The following PITPNM2 variants were observed in gnomAD, a reference collection of about 807,000 sequenced individuals.
PITPNM2 encodes the protein phosphatidylinositol transfer protein membrane associated 2, also known as membrane-associated phosphatidylinositol transfer protein 2.
In PITPNM2, 35 loss-of-function variants were observed where a neutral mutation model predicts 132.2. The observed-to-expected ratio is 0.26, with a 90% CI of 0.20 to 0.35. The LOEUF is 0.35. PITPNM2 is among the 10% of genes least tolerant of loss of function. The pLI is 1.00. For synonymous variants in PITPNM2, 738 were observed against 799.2 expected (o/e 0.92, Z 1.29); for missense variants, 1,332 against 1,912.0 (o/e 0.70, Z 5.66).
At position 122,993,152 on chromosome 12, in the gene PITPNM2, TATA is replaced by T. The variant is rs1016148378; in HGVS notation, c.2234-486_2234-484del. Among the ~76,000 whole-genome samples the T allele has an allele frequency of 9.2e-5, 14 of 152,268 alleles. No homozygotes were observed. Among genetic ancestry groups the T allele is most frequent in the Non-Finnish European group, 1.8e-4 (12 of 68,018 alleles). ...TCTAATTTTTTTTCATTGCAAAAGT[TATA>T]ATGATTGTGGTAAAAGGTGGTTTGC... is the stretch of plus-strand genomic sequence containing the variant. On this transcript the variant is annotated intron_variant, in intron 15 of 25. Coordinates refer to ENST00000320201, the MANE Select transcript of PITPNM2 (RefSeq NM_020845.3). The surrounding 1 kb of genome is among the most constrained non-coding windows in gnomAD (Gnocchi z 5.2).
intron 3 of PITPNM2, 87 bp downstream of exon 3, chr12:123,034,426 C>T: frequency 7.7e-7 from 1 of 1,292,910 alleles, no homozygotes; most frequent in South Asian, 1.2e-5. Flanking sequence ...ACTGTGAAGG[C>T]CACAACTCCA....
intron 10 of PITPNM2, among the ~76,000 whole-genome samples, chr12:122,997,815 C>T (rs572546729): frequency 5.4e-4 from 82 of 152,192 alleles, no homozygotes; most frequent in Non-Finnish European, 1.0e-3. Flanking sequence ...CACTCCTCCT[C>T]CTGCAGCCCT....
At chr12:123,068,827 C>T (rs765365595) in intron 2 of PITPNM2, among the ~76,000 whole-genome samples, 2 of 152,176 alleles carry the variant, frequency 1.3e-5, no homozygotes, top group African/African-American at 2.4e-5. Context: ...TAGGCTCTGC[C>T]CACTTCAAGG....
rs2041813480 is a variant in PITPNM2, at chr12:123,077,090, G to A, written c.-96+33295C>T. On this transcript the variant is annotated intron_variant, in intron 2 of 25. Coordinates refer to ENST00000320201, the MANE Select transcript of PITPNM2 (RefSeq NM_020845.3). This position sits in a 1 kb window ranked among gnomAD's most constrained non-coding sequence, Gnocchi z 4.8. The stretch of plus-strand genomic sequence containing the variant: ...CTACTGGGGATGGGGAAGAAATGAT[G>A]CAGAATGTTGACCCACTGGGCAGCA... 6.6e-6 allele frequency among the ~76,000 whole-genome samples: 1 copy of A among 152,158 alleles called. No individual in the cohort carries two copies. The highest frequency in any genetic ancestry group is 1.5e-5 in the Non-Finnish European group (1 of 68,032).
At chr12:123,063,942 A>ATTCCCCTACT (rs2041330337) in intron 2 of PITPNM2, among the ~76,000 whole-genome samples, 2 of 152,162 alleles carry the variant, frequency 1.3e-5, no homozygotes, top group Non-Finnish European at 2.9e-5. Flanking sequence ...AAGGGGAATA[A>ATTCCCCTACT]ATTAACAGAC....
At chr12:123,105,219 T>C (rs2042679323) in intron 2 of PITPNM2, 1 of 152,246 alleles carries the variant, frequency 6.6e-6, no homozygotes, top group Non-Finnish European at 1.5e-5. Context: ...GATCACCATC[T>C]GATGTGCTTA....
rs201751553 is a variant in PITPNM2 at position 123,097,232 on chromosome 12, G to A, written c.-96+13153C>T. 8.6e-5 allele frequency among the ~76,000 whole-genome samples: 13 copies of A among 151,992 alleles called. No individual in the cohort carries two copies. In the East Asian group the frequency reaches 9.7e-4, roughly 11 times the overall value. ...TAATTTTTGTACTTTTAGTAGAGAC[G>A]GGGTTTTGCCATGTTGGCCAGGCTG... is the stretch of plus-strand genomic sequence containing the variant. On this transcript the variant is annotated intron_variant, in intron 2 of 25. Transcript: ENST00000320201. The surrounding 1 kb of genome is among the most constrained non-coding windows in gnomAD (Gnocchi z 4.7).
chr12:123,094,543 G>C (rs1018943283), intron 2 of PITPNM2, among the ~76,000 whole-genome samples: 2 of 152,216 alleles, frequency 1.3e-5, no homozygotes. Context: ...GTCCTCTGGG[G>C]ACGTTACCCA....
chr12:123,002,658 T>C (rs1488073088), intron 8 of PITPNM2, among the ~76,000 whole-genome samples: 3 of 152,220 alleles, frequency 2.0e-5, no homozygotes, highest in South Asian at 2.1e-4. Flanking sequence ...GCTTAAGCGA[T>C]CCCAAAGTGT....
At position 123,142,826 on chromosome 12, in the gene PITPNM2, T is replaced by C. The variant is rs943062030; in HGVS notation, c.-200+7927A>G. Among the ~76,000 whole-genome samples, 16 of 151,902 alleles carry C rather than the reference T, an allele frequency of 1.1e-4. 1 individual carries two copies. Among genetic ancestry groups the C allele is most frequent in the Admixed American group, 7.9e-4 (12 of 15,266 alleles). ...TTTAAATGCTTTTTTCCAGTGTGAT[T>C]ACCCACATGGGAAAAATTCTAATTG... is the stretch of plus-strand genomic sequence containing the variant. On this transcript the variant is annotated intron_variant, in intron 1 of 25. Coordinates refer to ENST00000320201, the MANE Select transcript of PITPNM2 (RefSeq NM_020845.3).
rs1338314313 is a variant in PITPNM2 at position 122,988,389 on chromosome 12, CA to C, written c.2881-40del. The C allele has an allele frequency of 2.6e-6, 4 of 1,564,332 alleles. No individual in the cohort carries two copies. In the South Asian group the frequency reaches 4.4e-5, roughly 17 times the overall value. On this transcript the variant is annotated intron_variant, in intron 19 of 25. Transcript: ENST00000320201. ...ACAGTGCAGGCTGTGGGGCAGATGC[CA>C]CCCGGGGGCTTCCTGCCCTGGGAGG... is the stretch of plus-strand genomic sequence containing the variant.
intron 2 of PITPNM2, among the ~76,000 whole-genome samples, chr12:123,051,191 TGACCAAGGTTGGGGAG>T (rs2040844388): frequency 6.6e-6 from 1 of 152,208 alleles, no homozygotes; most frequent in African/African-American, 2.4e-5. Context: ...CAGGAGGAAA[TGACCAAGGTTGGGGAG>T]GAGTCAAGGC....
Position 123,078,663 on chromosome 12 carries a change from G to A in PITPNM2, c.-96+31722C>T, listed in dbSNP as rs565322403. 1.4e-4 allele frequency among the ~76,000 whole-genome samples: 22 copies of A among 152,348 alleles called. No individual in the cohort carries two copies. In the East Asian group the frequency reaches 4.0e-3, roughly 28 times the overall value. On this transcript the variant is annotated intron_variant, in intron 2 of 25. Transcript: ENST00000320201. This position sits in a 1 kb window ranked among gnomAD's most constrained non-coding sequence, Gnocchi z 7.3. ...GGATACCCACCTATGGAAGGGCTCC[G>A]ATGGCCCAGTGCCACCCATGTGGGA...
In PITPNM2 at chr12:122,987,271, G is replaced by A. The variant is rs1268832328; in HGVS notation, c.3413+10C>T. On this transcript the variant is annotated intron_variant, in intron 23 of 25. Transcript: ENST00000320201. The stretch of plus-strand genomic sequence containing the variant: ...GCTACAGCCCCTTTGTGCCCCTCTG[G>A]GCCACTCACCGCACCACGTCCACGG... 3.1e-6 allele frequency: 5 copies of A among 1,611,076 alleles called. No individual in the cohort carries two copies. Among genetic ancestry groups the A allele is most frequent in the African/African-American group, 1.3e-5 (1 of 74,858 alleles).
At chr12:123,096,787 A>G (rs1217686986) in intron 2 of PITPNM2, among the ~76,000 whole-genome samples, 2 of 152,166 alleles carry the variant, frequency 1.3e-5, no homozygotes, top group Non-Finnish European at 2.9e-5. Flanking sequence ...GAAGCAGAAA[A>G]AAGACACAGG....
At chr12:123,049,009 C>T (rs563078249) in intron 2 of PITPNM2, among the ~76,000 whole-genome samples, 2 of 152,240 alleles carry the variant, frequency 1.3e-5, no homozygotes, top group South Asian at 4.2e-4. Context: ...TGGCATGTAC[C>T]TGTAGTCCCA....
chr12:123,015,775 C>T (rs1229482931), intron 3 of PITPNM2, among the ~76,000 whole-genome samples: 1 of 152,074 alleles, frequency 6.6e-6, no homozygotes, highest in African/African-American at 2.4e-5. Context: ...AAATTAAAAA[C>T]CTTAGTGTAT....
intron 3 of PITPNM2, among the ~76,000 whole-genome samples, chr12:123,028,870 C>T (rs1307500947): frequency 5.9e-5 from 9 of 152,150 alleles, no homozygotes. Context: ...GGCATTCACA[C>T]CAGCCCTGCA....
chr12:123,024,280 T>C (rs1335153484), intron 3 of PITPNM2, among the ~76,000 whole-genome samples: 1 of 152,120 alleles, frequency 6.6e-6, no homozygotes, highest in Non-Finnish European at 1.5e-5. Flanking sequence ...GCAGCAAGTG[T>C]TGTTCAGGGT....
Sources: gnomAD v4.1 joint callset for allele counts (sites outside exome capture counted in the v4.1 genomes callset) on GRCh38, gnomAD v4.1.1 for gene constraint, Gnocchi (gnomAD v3.1) non-coding constraint, MANE v1.5 for transcripts, NCBI Gene and HGNC (gene_info 2026-07-23, HGNC 2026-07-21) for gene names.